The following LCMT1 variants were observed in gnomAD, a reference collection of about 807,000 sequenced individuals.
LCMT1 encodes the protein leucine carboxyl methyltransferase 1.
LCMT1 carries 32 observed loss-of-function variants against 47.7 expected under a neutral mutation model. The observed-to-expected ratio is 0.67, with a 90% CI of 0.51 to 0.90. The LOEUF (loss-of-function observed/expected upper bound fraction) is 0.90. LCMT1 is among the 40% of genes least tolerant of loss of function. The pLI, the probability that LCMT1 is intolerant of heterozygous loss-of-function variation, is 0.00. For synonymous variants in LCMT1, 152 were observed against 149.7 expected, an observed-to-expected ratio of 1.02 and a Z score of -0.11; for missense variants, 375 against 415.2, an observed-to-expected ratio of 0.90 and a Z score of 0.84.
rs1376053948 is a variant in LCMT1, at chr16:25,160,855, G to A, written c.467-247G>A. 4.9e-6 allele frequency: 3 copies of A among 614,402 alleles called. No individual in the cohort carries two copies. In the East Asian group the frequency reaches 9.9e-5, roughly 20 times the overall value. 38.1% of individuals were successfully genotyped at this position (614,402 alleles called of 1,614,324 possible). A position where few individuals can be genotyped will look rare whatever the true frequency, so the allele number is the denominator to read the frequency against. On this transcript the variant is annotated intron_variant, in intron 5 of 10. Coordinates refer to ENST00000399069, the MANE Select transcript of LCMT1 (RefSeq NM_016309.3). Reference sequence around the variant, plus strand: ...ATGTGTGTGCGCACCATGTGCATGAGAGGGGATGTGTTTTTGTTGTGTATA... The same window carrying A: ...ATGTGTGTGCGCACCATGTGCATGAAAGGGGATGTGTTTTTGTTGTGTATA...
Position 25,151,567 on chromosome 16 carries a change from C to T in LCMT1, c.418C>T (p.Leu140=), listed in dbSNP as rs780512066. Residue 140 remains leucine, a synonymous_variant, in exon 5 of 11, where the codon CTA becomes TTA. Coordinates refer to ENST00000399069, the MANE Select transcript of LCMT1 (RefSeq NM_016309.3). ...KLHSIKCKPP[L]SSPILELHSE... is the part of the protein sequence containing the mutation. ...ATCTTCCCATAGATGCAAGCCTCCC[C>T]TATCCAGCCCCATTCTAGAACTGCA... is the stretch of plus-strand genomic sequence containing the variant. The T allele has an allele frequency of 1.1e-5, 17 of 1,613,244 alleles. No individual in the cohort carries two copies. Among genetic ancestry groups the T allele is most frequent in the African/African-American group, 9.3e-5 (7 of 74,886 alleles).
chr16:25,167,480 CT>C, intron 7 of LCMT1, among the ~76,000 whole-genome samples: 1 of 150,368 alleles, frequency 6.7e-6, no homozygotes, highest in African/African-American at 2.5e-5. Context: ...CCACTCTTGA[CT>C]TTATTTTTTT....
At chr16:25,125,050 A>G (rs1292164768) in intron 1 of LCMT1, among the ~76,000 whole-genome samples, 1 of 152,176 alleles carries the variant, frequency 6.6e-6, no homozygotes, top group African/African-American at 2.4e-5. Flanking sequence ...CAAATCTGAG[A>G]TGTTTGATTT....
rs183066683 is a variant in LCMT1, at chr16:25,128,078, C to T, written c.114-397C>T. On this transcript the variant is annotated intron_variant, in intron 1 of 10. Transcript: ENST00000399069. Reference sequence around the variant, plus strand: ...GTTTGTCAAGTGTTTCTAAGTCTCCCTTCCTCTGGGCACAGGCTTTTTCAT... The same window carrying T: ...GTTTGTCAAGTGTTTCTAAGTCTCCTTTCCTCTGGGCACAGGCTTTTTCAT... 5.6e-3 allele frequency among the ~76,000 whole-genome samples: 854 copies of T among 152,334 alleles called. 3 individuals carry two copies. Among genetic ancestry groups the T allele is most frequent in the Non-Finnish European group, 0.01 (697 of 68,040 alleles).
At position 25,152,738 on chromosome 16, in the gene LCMT1, C is replaced by G. The variant is rs539606432; in HGVS notation, c.466+1123C>G. Among the ~76,000 whole-genome samples the G allele has an allele frequency of 9.2e-5, 14 of 152,254 alleles. No homozygotes were observed. In the South Asian group the frequency reaches 2.9e-3, roughly 32 times the overall value. On this transcript the variant is annotated intron_variant, in intron 5 of 10. Coordinates refer to ENST00000399069, the MANE Select transcript of LCMT1 (RefSeq NM_016309.3). ...GGAGTTGCCCATCCTCCAGTTCTGT[C>G]CCCACGACTCTCTGGTATCTTACAC...
At chr16:25,153,489 CAAT>C (rs1961141182) in intron 5 of LCMT1, among the ~76,000 whole-genome samples, 1 of 152,204 alleles carries the variant, frequency 6.6e-6, no homozygotes, top group East Asian at 1.9e-4. Context: ...ATCCCAATCC[CAAT>C]CCCAAGCAAG....
chr16:25,117,925 C>G (rs1195455673), intron 1 of LCMT1, among the ~76,000 whole-genome samples: 2 of 151,922 alleles, frequency 1.3e-5, no homozygotes, highest in African/African-American at 4.8e-5. Context: ...TCACCCAGAC[C>G]TGTTAACTTT....
intron 3 of LCMT1, among the ~76,000 whole-genome samples, chr16:25,135,970 G>T (rs1235606278): frequency 6.6e-6 from 1 of 151,654 alleles, no homozygotes; most frequent in East Asian, 1.9e-4. Context: ...GCACACCTGT[G>T]GTCCCAGCTA....
At chr16:25,135,298 T>A (rs1306105603) in intron 3 of LCMT1, among the ~76,000 whole-genome samples, 2 of 148,966 alleles carry the variant, frequency 1.3e-5, no homozygotes, top group African/African-American at 5.1e-5. Context: ...TATATCTATA[T>A]ATATATATAT....
chr16:25,121,274 G>T (rs1959979099), intron 1 of LCMT1, among the ~76,000 whole-genome samples: 1 of 152,008 alleles, frequency 6.6e-6, no homozygotes, highest in Non-Finnish European at 1.5e-5. Flanking sequence ...GTTGGGGGTG[G>T]TGGTGGGAGC....
At chr16:25,129,518 G>A (rs1960289820) in intron 2 of LCMT1, among the ~76,000 whole-genome samples, 1 of 152,144 alleles carries the variant, frequency 6.6e-6, no homozygotes, top group Admixed American at 6.5e-5. Context: ...ATCTTTCACT[G>A]TAAACTGTCC....
chr16:25,141,292 T>A (rs1960685477), intron 4 of LCMT1: 1 of 152,214 alleles, frequency 6.6e-6, no homozygotes, highest in Non-Finnish European at 1.5e-5. Flanking sequence ...CCCAGATGGT[T>A]TGAGCAGTAG....
intron 7 of LCMT1, among the ~76,000 whole-genome samples, chr16:25,166,290 G>T (rs1035681764): frequency 6.7e-6 from 1 of 148,954 alleles, no homozygotes; most frequent in Non-Finnish European, 1.5e-5. Context: ...AAAAAAGAAA[G>T]AAAGAAATAC....
chr16:25,162,599 A>C (rs910680470), intron 6 of LCMT1, among the ~76,000 whole-genome samples: 1 of 151,284 alleles, frequency 6.6e-6, no homozygotes, highest in African/African-American at 2.4e-5. Flanking sequence ...AAAAAAAAAA[A>C]AAAAGAAAAG....
chr16:25,120,486 G>A (rs1482494083), intron 1 of LCMT1, among the ~76,000 whole-genome samples: 2 of 150,898 alleles, frequency 1.3e-5, no homozygotes, highest in Non-Finnish European at 3.0e-5. Context: ...GTACAGTGGT[G>A]TGATCTCGGC....
intron 1 of LCMT1, among the ~76,000 whole-genome samples, chr16:25,120,093 G>A (rs1032865246): frequency 6.6e-6 from 1 of 151,710 alleles, no homozygotes; most frequent in African/African-American, 2.4e-5. Flanking sequence ...CCAGGAGGTG[G>A]AGGTTGCAGT....
intron 5 of LCMT1, among the ~76,000 whole-genome samples, chr16:25,153,088 A>G (rs1407303143): frequency 1.3e-5 from 2 of 152,032 alleles, no homozygotes; most frequent in Non-Finnish European, 2.9e-5. Flanking sequence ...GAGAGGAGGG[A>G]AAGTGTTCTC....
chr16:25,133,458 C>T (rs985255813), intron 3 of LCMT1, among the ~76,000 whole-genome samples: 3 of 123,724 alleles, frequency 2.4e-5, no homozygotes, highest in African/African-American at 8.9e-5. Context: ...GAGTACAATG[C>T]CACAATCTTG....
chr16:25,125,135 A>T (rs1239608676), intron 1 of LCMT1, among the ~76,000 whole-genome samples: 1 of 152,196 alleles, frequency 6.6e-6, no homozygotes, highest in African/African-American at 2.4e-5. Context: ...GGGAGCAGAG[A>T]TGTGTAATGG....
Sources: allele counts gnomAD v4.1 joint callset (sites outside exome capture counted in the v4.1 genomes callset), GRCh38; gene constraint gnomAD v4.1.1; transcripts MANE v1.5; gene names NCBI Gene and HGNC (gene_info 2026-07-23, HGNC 2026-07-21).